C4orf51: variants seen among roughly 807,000 people sequenced by gnomAD.
C4orf51 encodes chromosome 4 open reading frame 51, also known as uncharacterized protein C4orf51.
A neutral mutation model predicts 25.2 loss-of-function variants in C4orf51; 25 were observed. That is an observed-to-expected ratio of 0.99 (90% CI 0.72 to 1.39). C4orf51 has a LOEUF of 1.39. C4orf51 is among the 40% of genes most tolerant of loss of function. C4orf51 has a pLI of 0.00. For synonymous variants in C4orf51, 100 were observed against 84.5 expected (o/e 1.18, Z -1.01); for missense variants, 252 against 239.6 (o/e 1.05, Z -0.34).
At chr4:145,737,623 C>T (rs150517548), downstream of C4orf51, among the ~76,000 whole-genome samples, 1 of 152,004 alleles carries the variant, frequency 6.6e-6, no homozygotes, top group Admixed American at 6.6e-5. Flanking sequence ...ATATTTTGCT[C>T]TCTCTCTCTG....
At chr4:145,691,582 C>T (rs112862140) in intron 1 of C4orf51, among the ~76,000 whole-genome samples, 7,393 of 152,208 alleles carry the variant, frequency 0.049, 532 homozygotes, top group African/African-American at 0.16. Flanking sequence ...GAAAATGTGG[C>T]ATGTATACAC....
downstream of C4orf51, among the ~76,000 whole-genome samples, chr4:145,735,034 A>C: frequency 6.6e-6 from 1 of 152,222 alleles, no homozygotes; most frequent in East Asian, 1.9e-4. Flanking sequence ...GGCTTGATGC[A>C]CTTGGGCGAG....
chr4:145,716,891 T>C (rs1186495918), intron 2 of C4orf51, among the ~76,000 whole-genome samples: 1 of 152,222 alleles, frequency 6.6e-6, no homozygotes, highest in Non-Finnish European at 1.5e-5. Context: ...GCTAACCGTG[T>C]GTGCTATTGT....
the C4orf51 span, among the ~76,000 whole-genome samples, chr4:145,778,219 C>T: frequency 6.6e-6 from 1 of 152,222 alleles, no homozygotes; most frequent in South Asian, 2.1e-4. Flanking sequence ...CTGCAACTTC[C>T]ACCTCCTGGG....
chr4:145,729,810 G>T, intron 4 of C4orf51, 82 bp from the exon 5 acceptor site: 4 of 1,171,654 alleles, frequency 3.4e-6, no homozygotes, highest in Middle Eastern at 1.9e-4. Context: ...TTAAAACAAG[G>T]TTTGGGAATG....
chr4:145,775,799 A>G, downstream of C4orf51: 1 of 1,614,102 alleles, frequency 6.2e-7, no homozygotes, highest in Non-Finnish European at 8.5e-7. Flanking sequence ...CTGTAATAAT[A>G]AGGATGTTTC....
intron 1 of C4orf51, among the ~76,000 whole-genome samples, chr4:145,739,139 C>T (rs1732962843): frequency 6.6e-6 from 1 of 152,176 alleles, no homozygotes; most frequent in Admixed American, 6.5e-5. Context: ...TTGTCATCGA[C>T]CTACCTAAAC....
At chr4:145,685,129 A>G (rs1466653761) in intron 1 of C4orf51, among the ~76,000 whole-genome samples, 1 of 152,158 alleles carries the variant, frequency 6.6e-6, no homozygotes, top group Non-Finnish European at 1.5e-5. Flanking sequence ...GAACCTATCA[A>G]CCACAGAATA....
chr4:145,782,430 C>G, the C4orf51 span, among the ~76,000 whole-genome samples: 1 of 152,196 alleles, frequency 6.6e-6, no homozygotes, highest in Non-Finnish European at 1.5e-5. Flanking sequence ...TGATGCCACC[C>G]AAGTGCCATG....
At chr4:145,688,952 A>T (rs1011705068) in intron 1 of C4orf51, among the ~76,000 whole-genome samples, 2 of 152,242 alleles carry the variant, frequency 1.3e-5, no homozygotes, top group Admixed American at 1.3e-4. Flanking sequence ...CAAACATATT[A>T]TAAAGCTTCA....
chr4:145,779,104 T>C, the C4orf51 span, among the ~76,000 whole-genome samples: 12 of 152,364 alleles, frequency 7.9e-5, no homozygotes, highest in Admixed American at 6.5e-4. Flanking sequence ...CAATACATTT[T>C]TTTTAACAGA....
chr4:145,733,735 G>C (rs531168891), downstream of C4orf51, among the ~76,000 whole-genome samples: 5 of 152,330 alleles, frequency 3.3e-5, no homozygotes, highest in South Asian at 2.1e-4. Flanking sequence ...CATCTGGTCT[G>C]ATTCCCGGCA....
chr4:145,721,178 C>T (rs926666545), intron 2 of C4orf51, among the ~76,000 whole-genome samples: 5 of 151,670 alleles, frequency 3.3e-5, no homozygotes, highest in African/African-American at 1.2e-4. Flanking sequence ...AACCCCGTCT[C>T]TACTAAAAAT....
intron 1 of C4orf51, chr4:145,759,428 A>G (rs1734221181): frequency 6.6e-6 from 1 of 152,250 alleles, no homozygotes; most frequent in Non-Finnish European, 1.5e-5. Context: ...AAATAAGTAT[A>G]AAGTTAGCCT....
chr4:145,760,663 G>A, intron 1 of C4orf51: 4 of 636,426 alleles, frequency 6.3e-6, no homozygotes, highest in Non-Finnish European at 8.3e-6. Flanking sequence ...CAGACCCATC[G>A]GGGTCTGTAG....
At chr4:145,688,918 G>C (rs1044381929) in intron 1 of C4orf51, among the ~76,000 whole-genome samples, 2 of 152,210 alleles carry the variant, frequency 1.3e-5, no homozygotes, top group Non-Finnish European at 1.5e-5. Flanking sequence ...ACAACAAAAA[G>C]GTGAGGTCTT....
At chr4:145,689,681 T>A (rs1729408244) in intron 1 of C4orf51, among the ~76,000 whole-genome samples, 1 of 151,946 alleles carries the variant, frequency 6.6e-6, no homozygotes, top group Non-Finnish European at 1.5e-5. Context: ...CATAGACCAA[T>A]GGCACAGAAT....
rs1232685639 is a variant in C4orf51 at position 145,706,371 on chromosome 4, A to G, written c.307+9739A>G. On this transcript the variant is annotated intron_variant, in intron 2 of 5. Coordinates refer to ENST00000438731, the MANE Select transcript of C4orf51 (RefSeq NM_001080531.3). Reference sequence around the variant, plus strand: ...TTAAAGCCTTAGGTTGGCACCATCAAATACCTGTATGACATGGTAAATTTC... The same window carrying G: ...TTAAAGCCTTAGGTTGGCACCATCAGATACCTGTATGACATGGTAAATTTC... Among the ~76,000 whole-genome samples, 4 of 152,202 alleles carry G rather than the reference A, an allele frequency of 2.6e-5. No individual in the cohort carries two copies. In the South Asian group the frequency reaches 8.3e-4, roughly 32 times the overall value.
At chr4:145,787,937 C>T in the C4orf51 span, among the ~76,000 whole-genome samples, 1 of 152,104 alleles carries the variant, frequency 6.6e-6, no homozygotes, top group East Asian at 1.9e-4. Context: ...AACCCAAGAT[C>T]AAGGAGGAAT....
Sources: allele counts gnomAD v4.1 joint callset (sites outside exome capture counted in the v4.1 genomes callset), GRCh38; gene constraint gnomAD v4.1.1; transcripts MANE v1.5; gene names NCBI Gene and HGNC (gene_info 2026-07-23, HGNC 2026-07-21).